Variants in UNC13A observed in about 807,000 individuals in gnomAD.
The protein encoded by UNC13A is unc-13 homolog A.
In UNC13A, 61 loss-of-function variants were observed where a neutral mutation model predicts 219.7. The ratio of observed to expected loss-of-function variants is 0.28; its 90% confidence interval spans 0.23 to 0.34. UNC13A has a LOEUF of 0.34. Ranked by LOEUF, UNC13A falls within the 10% of genes least tolerant of loss-of-function variation. UNC13A has a pLI of 1.00. For missense variants in UNC13A, 1,476 were observed against 2,270.3 expected, an observed-to-expected ratio of 0.65 and a Z score of 7.11; for synonymous variants, 920 against 884.6, an observed-to-expected ratio of 1.04 and a Z score of -0.71.
chr19:17,652,531 G>C, intron 12 of UNC13A, 100 bp downstream of exon 12: 1 of 1,482,918 alleles, frequency 6.7e-7, no homozygotes, highest in Non-Finnish European at 9.4e-7. Context: ...TGTCTAAATG[G>C]AACCCCTCCT....
In UNC13A at chr19:17,618,933, C is replaced by T; in HGVS notation, c.4302G>A (p.Lys1434=). The change falls in exon 39 of 44, where the codon AAG becomes AAA. Residue 1434 remains lysine, a synonymous_variant. Transcript: ENST00000519716. ...TGAGTTTGGACAGCTGACCCAGCTC[C>T]TTGGCTGCATTGAAGATCATCTGGG... ...DGTQMIFNAA[K]ELGQLSKLKD... 1 of 1,613,988 alleles carries T rather than the reference C, an allele frequency of 6.2e-7. No individual in the cohort carries two copies.
chr19:17,679,819 C>T (rs905357305), intron 1 of UNC13A, among the ~76,000 whole-genome samples: 1 of 152,074 alleles, frequency 6.6e-6, no homozygotes, highest in Non-Finnish European at 1.5e-5. Flanking sequence ...GTGCCCCTCC[C>T]TTGGTCAGTC....
At chr19:17,681,779 G>C (rs1176515516) in intron 1 of UNC13A, among the ~76,000 whole-genome samples, 4 of 152,226 alleles carry the variant, frequency 2.6e-5, no homozygotes, top group Admixed American at 6.5e-5. Flanking sequence ...CTGAATGCTC[G>C]GTCCCACCCG....
At chr19:17,629,355 G>C (rs1200170406) in intron 30 of UNC13A, 32 bp from the exon 31 acceptor site, 2 of 1,586,344 alleles carry the variant, frequency 1.3e-6, no homozygotes, top group Admixed American at 3.5e-5. Flanking sequence ...GGTGAGAGGA[G>C]AGGCTGGCAC....
intron 19 of UNC13A, among the ~76,000 whole-genome samples, chr19:17,644,874 T>C (rs1031294050): frequency 1.3e-4 from 20 of 150,772 alleles, no homozygotes; most frequent in African/African-American, 4.9e-4. Context: ...GTATCTTTTA[T>C]AGAGATGGGG....
At chr19:17,681,150 G>A (rs1277631371) in intron 1 of UNC13A, among the ~76,000 whole-genome samples, 1 of 141,070 alleles carries the variant, frequency 7.1e-6, no homozygotes, top group Non-Finnish European at 1.5e-5. Context: ...CCATCCCCTC[G>A]GCCTCCCAAA....
At chr19:17,633,285 G>T in intron 26 of UNC13A, 92 bp from the exon 27 acceptor site, 1 of 1,252,534 alleles carries the variant, frequency 8.0e-7, no homozygotes, top group Non-Finnish European at 1.2e-6. Context: ...AGGAGTGTAG[G>T]GTAGGGTAGA....
rs752809538 is a variant in UNC13A, at chr19:17,647,348, G to A, written c.1961C>T (p.Thr654Met). 3 of 1,613,250 alleles carry A rather than the reference G, an allele frequency of 1.9e-6. No individual in the cohort carries two copies. The highest frequency in any genetic ancestry group is 1.7e-5 in the Admixed American group (1 of 59,930). ...CGCCTTCATCTGCTGCGTGTGCGCC[G>A]TCTTGGTCACCGCGAAGATCTCCTG... ...LIQEIFAVTK[T>M]AHTQQMKAVK... The change falls in exon 17 of 44, where the codon ACG (threonine) becomes ATG (methionine). Residue 654 changes from threonine to methionine, a missense_variant. Physicochemically the swap from Thr to Met is moderately conservative, Grantham distance 81 (BLOSUM62 -1). Transcript: ENST00000519716.
chr19:17,637,346 G>A (rs377027780), intron 25 of UNC13A, among the ~76,000 whole-genome samples: 8 of 150,772 alleles, frequency 5.3e-5, no homozygotes, highest in Admixed American at 4.0e-4. Context: ...CACCCAGGCC[G>A]GAGTGCAGTG....
At chr19:17,661,907 C>T (rs4808090) in intron 8 of UNC13A, among the ~76,000 whole-genome samples, 47,710 of 151,614 alleles carry the variant, frequency 0.31, 7,734 homozygotes, top group East Asian at 0.41. Context: ...CTCACATTAC[C>T]GCCTGAGTTC....
chr19:17,641,536 G>T lies in UNC13A; in HGVS notation c.2493C>A (p.Thr831=). 2 of 1,613,880 alleles carry T rather than the reference G, an allele frequency of 1.2e-6. No homozygotes were observed. Among genetic ancestry groups the T allele is most frequent in the East Asian group, 2.2e-5 (1 of 44,874 alleles). Residue 831 remains threonine (T), a synonymous_variant, in exon 21 of 44, where the codon ACC becomes ACA. Coordinates refer to ENST00000519716, the MANE Select transcript of UNC13A (RefSeq NM_001080421.3). ...TCACGACCCCATTGTTCTGCACGTC[G>T]GTCACGAAGTGGAACAGGTTCTGCC... is the stretch of plus-strand genomic sequence containing the variant. ...CLHENLFHFV[T]DVQNNGVVKI... is the part of the protein sequence containing the mutation.
chr19:17,679,780 TTC>T (rs2079971607), intron 1 of UNC13A, among the ~76,000 whole-genome samples: 2 of 152,266 alleles, frequency 1.3e-5, no homozygotes, highest in South Asian at 4.1e-4. Flanking sequence ...TGTTCTCTCC[TTC>T]TCTCTCTCAC....
intron 7 of UNC13A, 57 bp from the exon 8 acceptor site, chr19:17,663,624 G>T: frequency 6.4e-7 from 1 of 1,553,778 alleles, no homozygotes; most frequent in Non-Finnish European, 8.7e-7. Flanking sequence ...GTGGGTGTAG[G>T]AAGGGGGCTC....
At chr19:17,678,260 C>T (rs2079938048) in intron 1 of UNC13A, among the ~76,000 whole-genome samples, 1 of 152,186 alleles carries the variant, frequency 6.6e-6, no homozygotes, top group Admixed American at 6.5e-5. Context: ...AGGTGGATCA[C>T]TTGACGTCAG....
intron 1 of UNC13A, among the ~76,000 whole-genome samples, chr19:17,685,234 A>G (rs1008931551): frequency 2.6e-5 from 4 of 152,066 alleles, no homozygotes; most frequent in African/African-American, 7.2e-5. Context: ...TGTGTTGCCC[A>G]GGCTGGAGTA....
At chr19:17,644,561 T>C (rs138704150) in intron 19 of UNC13A, among the ~76,000 whole-genome samples, 320 of 148,464 alleles carry the variant, frequency 2.2e-3, no homozygotes, top group African/African-American at 7.5e-3. Flanking sequence ...TCTTCCTTTG[T>C]TGCCCAGGCT....
chr19:17,626,398 TG>T, intron 34 of UNC13A: 1 of 320,650 alleles, frequency 3.1e-6, no homozygotes, highest in Non-Finnish European at 6.4e-6. Context: ...CCATCCCTCA[TG>T]TCACCTATTC....
intron 33 of UNC13A, 53 bp from the exon 34 acceptor site, chr19:17,626,838 A>C: frequency 6.4e-7 from 1 of 1,565,064 alleles, no homozygotes; most frequent in East Asian, 2.3e-5. Flanking sequence ...GGATGAGGAC[A>C]CAGATGCTGA....
intron 3 of UNC13A, among the ~76,000 whole-genome samples, chr19:17,673,297 C>T (rs560819364): frequency 1.9e-4 from 28 of 144,608 alleles, no homozygotes; most frequent in South Asian, 6.5e-4. Context: ...GCGGAGGTTG[C>T]GGTGAGCCGA....
Sources: gnomAD v4.1 joint callset for allele counts (sites outside exome capture counted in the v4.1 genomes callset) on GRCh38, gnomAD v4.1.1 for gene constraint, MANE v1.5 for transcripts, NCBI Gene and HGNC (gene_info 2026-07-23, HGNC 2026-07-21) for gene names.